The following NFX1 variants were observed in gnomAD, a reference collection of about 807,000 sequenced individuals.
NFX1 encodes nuclear transcription factor, X-box binding 1.
NFX1 carries 69 observed loss-of-function variants against 137.2 expected under a neutral mutation model. The ratio of observed to expected loss-of-function variants is 0.50; its 90% CI spans 0.41 to 0.61. NFX1 has a LOEUF of 0.61. NFX1 is among the 20% of genes least tolerant of loss of function. The probability of loss-of-function intolerance (pLI) is 0.00; values close to 1 mark genes in which losing one functional copy is unlikely to be tolerated. For missense variants in NFX1, 1,167 were observed against 1,391.0 expected, an observed-to-expected ratio of 0.84 and a Z score of 2.56; for synonymous variants, 495 against 474.1, an observed-to-expected ratio of 1.04 and a Z score of -0.57.
intron 12 of NFX1, among the ~76,000 whole-genome samples, chr9:33,341,742 C>A (rs1467278043): frequency 6.6e-6 from 1 of 152,116 alleles, no homozygotes; most frequent in Non-Finnish European, 1.5e-5. Context: ...CCAGCCTTGG[C>A]AACATGGTAA....
At chr9:33,325,042 C>T (rs1822529442) in intron 9 of NFX1, among the ~76,000 whole-genome samples, 2 of 151,398 alleles carry the variant, frequency 1.3e-5, no homozygotes, top group Admixed American at 1.3e-4. Flanking sequence ...TATCAGTGTA[C>T]ATGTAATTGG....
At chr9:33,299,567 G>A (rs1189470745) in intron 2 of NFX1, among the ~76,000 whole-genome samples, 1 of 151,982 alleles carries the variant, frequency 6.6e-6, no homozygotes, top group Non-Finnish European at 1.5e-5. Flanking sequence ...ACACGCTTGT[G>A]GTCCCAGCTA....
intron 15 of NFX1, 61 bp from the exon 16 acceptor site, chr9:33,351,499 G>A (rs1823634185): frequency 2.0e-6 from 3 of 1,511,326 alleles, no homozygotes; most frequent in Admixed American, 1.7e-5. Context: ...TAAAGAGAAA[G>A]TTAAAACTCA....
At chr9:33,335,056 A>T (rs778018133) in intron 11 of NFX1, among the ~76,000 whole-genome samples, 8 of 152,140 alleles carry the variant, frequency 5.3e-5, no homozygotes, top group Non-Finnish European at 8.8e-5. Flanking sequence ...ATATCATTTC[A>T]CCCATAAATA....
At chr9:33,327,952 G>A (rs2118462233) in intron 9 of NFX1, among the ~76,000 whole-genome samples, 1 of 152,236 alleles carries the variant, frequency 6.6e-6, no homozygotes, top group Admixed American at 6.5e-5. Flanking sequence ...TACAGTTTTA[G>A]GGAGATTCAA....
chr9:33,313,573 A>T, intron 6 of NFX1, 81 bp from the exon 7 acceptor site: 2 of 1,394,454 alleles, frequency 1.4e-6, no homozygotes, highest in South Asian at 2.7e-5. Flanking sequence ...TTGAGGGGAG[A>T]GTTAGGGGCC....
At chr9:33,367,967 C>T (rs1323346981) in intron 23 of NFX1, among the ~76,000 whole-genome samples, 1 of 152,214 alleles carries the variant, frequency 6.6e-6, no homozygotes, top group Non-Finnish European at 1.5e-5. Flanking sequence ...GGCGCGGTGG[C>T]TCACGCCTGT....
intron 17 of NFX1, among the ~76,000 whole-genome samples, 178 bp from the exon 18 acceptor site, chr9:33,353,908 A>G (rs1823728146): frequency 6.6e-6 from 1 of 151,918 alleles, no homozygotes; most frequent in Admixed American, 6.6e-5. Flanking sequence ...CAGGCTGGTC[A>G]TGAACTCCTG....
chr9:33,351,036 CGGGA>C (rs1823617043), intron 15 of NFX1, among the ~76,000 whole-genome samples: 1 of 152,016 alleles, frequency 6.6e-6, no homozygotes, highest in Non-Finnish European at 1.5e-5. Flanking sequence ...CCCAGCTACT[CGGGA>C]GGCTGAGGCT....
At chr9:33,338,181 C>A (rs1166980092) in intron 11 of NFX1, among the ~76,000 whole-genome samples, 1 of 151,830 alleles carries the variant, frequency 6.6e-6, no homozygotes, top group Non-Finnish European at 1.5e-5. Flanking sequence ...ATGGTGAAAC[C>A]CTGCCTCTAC....
At chr9:33,335,307 T>C (rs930642886) in intron 11 of NFX1, among the ~76,000 whole-genome samples, 1 of 149,226 alleles carries the variant, frequency 6.7e-6, no homozygotes, top group Non-Finnish European at 1.5e-5. Context: ...CTCAGCTTAC[T>C]GCAACCTCCA....
At chr9:33,335,584 G>T (rs1317192541) in intron 11 of NFX1, among the ~76,000 whole-genome samples, 2 of 151,840 alleles carry the variant, frequency 1.3e-5, no homozygotes, top group Non-Finnish European at 2.9e-5. Context: ...TCACTTTGTT[G>T]ACCAGGCTGG....
chr9:33,298,018 A>G (rs1472716519), intron 2 of NFX1, among the ~76,000 whole-genome samples: 1 of 152,196 alleles, frequency 6.6e-6, no homozygotes, highest in Non-Finnish European at 1.5e-5. Flanking sequence ...CACTTCATTC[A>G]TATTTGTTGC....
In NFX1 at chr9:33,354,136, G is replaced by A; in HGVS notation, c.2780G>A (p.Gly927Asp). 1 of 1,613,518 alleles carries A rather than the reference G, an allele frequency of 6.2e-7. No homozygotes were observed. The highest frequency in any genetic ancestry group is 8.5e-7 in the Non-Finnish European group (1 of 1,179,748). Residue 927 changes from glycine to aspartate, a missense_variant, in exon 18 of 24, where the codon GGT (glycine) becomes GAT (aspartate). Gly to Asp is a moderately conservative substitution (Grantham distance 94, BLOSUM62 -1). Around this residue, in one of 3 missense-constraint regions of NFX1, gnomAD observed 312 missense variants for 312.8 expected, o/e 1.00. Coordinates refer to ENST00000379540, the MANE Select transcript of NFX1 (RefSeq NM_002504.6). ...ASKITDMQLG[G>D]SVEISKLITK... ...AAGATAACAGACATGCAGCTTGGAG[G>A]TTCAGTGGAGATCAGCAAGTTAATT... is the stretch of plus-strand genomic sequence containing the variant.
At chr9:33,323,754 AAAAAAAAAACAAAC>A (rs1477536721) in intron 9 of NFX1, among the ~76,000 whole-genome samples, 11 of 150,774 alleles carry the variant, frequency 7.3e-5, no homozygotes, top group East Asian at 3.9e-4. Context: ...CTTCATCTCA[AAAAAAAAAACAAAC>A]AAAAAAAAAC....
intron 17 of NFX1, 175 bp downstream of exon 17, chr9:33,352,894 T>A: frequency 1.8e-6 from 1 of 567,096 alleles, no homozygotes; most frequent in Non-Finnish European, 3.1e-6. Context: ...TATCATAGTA[T>A]CCTTGCAACT....
At position 33,370,191 on chromosome 9, in the gene NFX1, T is replaced by C. The variant is rs1824286362; in HGVS notation, c.*213T>C. The C allele has an allele frequency of 6.2e-6, 3 of 485,088 alleles. No homozygotes were observed. The highest frequency in any genetic ancestry group is 6.0e-5 in the African/African-American group (3 of 49,802). The allele number at this position is 485,088 out of a possible 1,614,324, so 30.0% of individuals were successfully genotyped here. A position where few individuals can be genotyped will look rare whatever the true frequency, so the allele number is the denominator to read the frequency against. On this transcript the variant is annotated 3_prime_UTR_variant, in exon 24 of 24. Coordinates refer to ENST00000379540, the MANE Select transcript of NFX1 (RefSeq NM_002504.6). ...CATTATGACCAGATCTCTGATTGTATGGTCACTAGGTATGCAATCACGCAT... is the reference window on the plus strand; with the variant it reads ...CATTATGACCAGATCTCTGATTGTACGGTCACTAGGTATGCAATCACGCAT...
intron 23 of NFX1, among the ~76,000 whole-genome samples, chr9:33,367,920 G>C (rs902395632): frequency 6.6e-6 from 1 of 152,156 alleles, no homozygotes; most frequent in African/African-American, 2.4e-5. Context: ...GTTTAAGACT[G>C]AAACATCGTG....
chr9:33,339,257 C>T (rs1823128279), intron 12 of NFX1, among the ~76,000 whole-genome samples: 1 of 152,122 alleles, frequency 6.6e-6, no homozygotes, highest in Non-Finnish European at 1.5e-5. Flanking sequence ...AATGGATCTA[C>T]AGTTCCAAGT....
Sources: gnomAD v4.1 joint callset for allele counts (sites outside exome capture counted in the v4.1 genomes callset) on GRCh38, gnomAD v4.1.1 for gene constraint, gnomAD v4.1.1 regional missense constraint, MANE v1.5 for transcripts, NCBI Gene and HGNC (gene_info 2026-07-23, HGNC 2026-07-21) for gene names.